INPP4B: variants seen among roughly 807,000 people sequenced by gnomAD.
The protein encoded by INPP4B is inositol polyphosphate-4-phosphatase type II B, also known as inositol polyphosphate 4-phosphatase type II.
INPP4B carries 55 observed loss-of-function variants against 122.5 expected under a neutral mutation model. The ratio of observed to expected loss-of-function variants is 0.45; its 90% CI spans 0.36 to 0.56. The LOEUF (loss-of-function observed/expected upper bound fraction) is 0.56. Ranked by LOEUF, INPP4B falls within the 20% of genes least tolerant of loss-of-function variation. The probability of loss-of-function intolerance (pLI) is 0.00; values close to 1 mark genes in which losing one functional copy is unlikely to be tolerated. For synonymous variants in INPP4B, 403 were observed against 388.7 expected (o/e 1.04, Z -0.43); for missense variants, 1,000 against 1,097.7 (o/e 0.91, Z 1.26).
At chr4:142,689,216 G>A (rs1423751767) in intron 2 of INPP4B, among the ~76,000 whole-genome samples, 1 of 152,112 alleles carries the variant, frequency 6.6e-6, no homozygotes, top group Non-Finnish European at 1.5e-5. Context: ...ATATTCTCAG[G>A]AGGCTAATGG....
At chr4:142,390,788 C>T (rs1273217573) in intron 7 of INPP4B, among the ~76,000 whole-genome samples, 1 of 151,970 alleles carries the variant, frequency 6.6e-6, no homozygotes, top group Non-Finnish European at 1.5e-5. Flanking sequence ...ATTGCCTTGT[C>T]AATTGTGTCT....
At position 142,405,328 on chromosome 4, in the gene INPP4B, G is replaced by C. The variant is rs1490617165; in HGVS notation, c.137-4C>G. The C allele has an allele frequency of 5.2e-6, 8 of 1,545,268 alleles. No individual in the cohort carries two copies. The highest frequency in any genetic ancestry group is 8.9e-7 in the Non-Finnish European group (1 of 1,118,072). On this transcript the variant is annotated splice_polypyrimidine_tract_variant and splice_region_variant and intron_variant, in intron 5 of 25. Coordinates refer to ENST00000262992, the MANE Select transcript of INPP4B (RefSeq NM_001101669.3). The stretch of plus-strand genomic sequence containing the variant: ...GGAGCCACGAGATCCTTGCATGCTG[G>C]CAACGGCAGAGGAGACAGAAAGAAA...
At chr4:142,640,407 G>A (rs1315005817) in intron 2 of INPP4B, among the ~76,000 whole-genome samples, 1 of 152,056 alleles carries the variant, frequency 6.6e-6, no homozygotes, top group African/African-American at 2.4e-5. Context: ...TGAATTATGA[G>A]GAAGTTGACA....
chr4:142,168,193 A>G (rs1823805459), intron 16 of INPP4B, among the ~76,000 whole-genome samples: 1 of 151,540 alleles, frequency 6.6e-6, no homozygotes, highest in Non-Finnish European at 1.5e-5. Flanking sequence ...TGTGTGGAGT[A>G]TATTGAGCTT....
At chr4:142,549,088 A>G (rs1053651016) in intron 2 of INPP4B, among the ~76,000 whole-genome samples, 7 of 152,110 alleles carry the variant, frequency 4.6e-5, no homozygotes, top group Non-Finnish European at 8.8e-5. Context: ...TGATTTAATT[A>G]AGCGGACACA....
chr4:142,028,278 T>TAAC lies in INPP4B; in HGVS notation c.*501_*503dup, dbSNP rs1484163956. ...TGCCTCAGTATTCCAGATCATGAGT[T>TAAC]AACTCTACCTAATTGAGTGGCTACA... On this transcript the variant is annotated 3_prime_UTR_variant, in exon 26 of 26. Coordinates refer to ENST00000262992, the MANE Select transcript of INPP4B (RefSeq NM_001101669.3). 4.4e-6 allele frequency: 1 copy of TAAC among 226,926 alleles called. No individual in the cohort carries two copies. Among genetic ancestry groups the TAAC allele is most frequent in the Non-Finnish European group, 8.8e-6 (1 of 114,102 alleles). 14.1% of individuals were successfully genotyped at this position (226,926 alleles called of 1,614,324 possible).
At chr4:142,224,027 G>A (rs558463922) in intron 12 of INPP4B, among the ~76,000 whole-genome samples, 1 of 152,148 alleles carries the variant, frequency 6.6e-6, no homozygotes, top group East Asian at 1.9e-4. Context: ...GATTTTCACT[G>A]TGCATTTGTT....
intron 1 of INPP4B, among the ~76,000 whole-genome samples, chr4:142,825,640 A>G (rs1405840798): frequency 6.6e-6 from 1 of 152,172 alleles, no homozygotes; most frequent in East Asian, 1.9e-4. Context: ...GCTTTTGTGC[A>G]TAGCACCTAG....
In INPP4B at chr4:142,385,475, C is replaced by T. The variant is rs551598961; in HGVS notation, c.372+17463G>A. Among the ~76,000 whole-genome samples the T allele has an allele frequency of 1.1e-4, 16 of 151,934 alleles. No homozygotes were observed. In the South Asian group the frequency reaches 2.3e-3, roughly 22 times the overall value. On this transcript the variant is annotated intron_variant, in intron 7 of 25. Coordinates refer to ENST00000262992, the MANE Select transcript of INPP4B (RefSeq NM_001101669.3). ...AAACAGGGTAGAGTATGCTTCTGTA[C>T]CTAGTGATTAGTTATAACAACTTGT...
At chr4:142,329,829 ATTAT>A (rs1358365728) in intron 7 of INPP4B, among the ~76,000 whole-genome samples, 2 of 152,222 alleles carry the variant, frequency 1.3e-5, no homozygotes, top group Non-Finnish European at 2.9e-5. Flanking sequence ...TGGATTAATA[ATTAT>A]TTAAATAAAT....
intron 12 of INPP4B, among the ~76,000 whole-genome samples, chr4:142,220,861 G>A (rs1561523489): frequency 2.0e-5 from 3 of 151,912 alleles, no homozygotes; most frequent in African/African-American, 7.3e-5. Flanking sequence ...AATACTCCCT[G>A]GTGTTTCCCT....
At chr4:142,164,928 A>C (rs1326918615) in intron 16 of INPP4B, among the ~76,000 whole-genome samples, 1 of 151,276 alleles carries the variant, frequency 6.6e-6, no homozygotes, top group Non-Finnish European at 1.5e-5. Flanking sequence ...TGGCCTTTTC[A>C]ATTTCTTTTC....
intron 7 of INPP4B, among the ~76,000 whole-genome samples, chr4:142,349,608 A>G (rs1204874579): frequency 1.3e-5 from 2 of 152,008 alleles, no homozygotes; most frequent in Admixed American, 6.6e-5. Context: ...GACATCAATA[A>G]TTTATGAAAA....
chr4:142,464,436 T>A (rs1817342849), intron 2 of INPP4B, among the ~76,000 whole-genome samples: 1 of 152,110 alleles, frequency 6.6e-6, no homozygotes, highest in Non-Finnish European at 1.5e-5. Flanking sequence ...ATTCATATTA[T>A]CATATGTCTC....
chr4:142,560,140 C>G (rs1357053139), intron 2 of INPP4B, among the ~76,000 whole-genome samples: 1 of 152,182 alleles, frequency 6.6e-6, no homozygotes, highest in African/African-American at 2.4e-5. Context: ...ATTGAGATTG[C>G]TATGGAAGTG....
intron 2 of INPP4B, among the ~76,000 whole-genome samples, chr4:142,659,717 T>C (rs775378393): frequency 8.5e-5 from 13 of 152,100 alleles, no homozygotes; most frequent in Non-Finnish European, 1.6e-4. Context: ...CCAAGGGAGC[T>C]AACCAAAGCC....
intron 21 of INPP4B, among the ~76,000 whole-genome samples, chr4:142,120,370 G>A (rs1038335486): frequency 3.3e-5 from 5 of 152,010 alleles, no homozygotes; most frequent in Admixed American, 3.3e-4. Context: ...TCTGCAAAAA[G>A]ACTACGGAGA....
At chr4:142,834,596 A>G (rs1011291318) in intron 1 of INPP4B, among the ~76,000 whole-genome samples, 2 of 152,250 alleles carry the variant, frequency 1.3e-5, no homozygotes, top group South Asian at 4.1e-4. Context: ...AAATCTTCTC[A>G]TTTTTTATTA....
intron 5 of INPP4B, among the ~76,000 whole-genome samples, chr4:142,409,925 T>C (rs1804249841): frequency 6.6e-6 from 1 of 152,212 alleles, no homozygotes; most frequent in East Asian, 1.9e-4. Context: ...AGTCCAGAGC[T>C]AAAAGGTGGG....
Sources: allele counts gnomAD v4.1 joint callset (sites outside exome capture counted in the v4.1 genomes callset), GRCh38; gene constraint gnomAD v4.1.1; transcripts MANE v1.5; gene names NCBI Gene and HGNC (gene_info 2026-07-23, HGNC 2026-07-21).